Variants in LLGL1 observed in about 807,000 individuals in gnomAD.
LLGL1 encodes the protein lethal(2) giant larvae protein homolog 1.
A neutral mutation model predicts 110.6 loss-of-function variants in LLGL1; 58 were observed. That is an observed-to-expected ratio of 0.52 (90% CI 0.42 to 0.65). LLGL1 has a LOEUF of 0.65. LLGL1 is among the 30% of genes least tolerant of loss of function. The pLI is 0.00. For synonymous variants in LLGL1, 674 were observed against 607.2 expected, an observed-to-expected ratio of 1.11 and a Z score of -1.62; for missense variants, 1,229 against 1,462.1, an observed-to-expected ratio of 0.84 and a Z score of 2.60.
rs1385714475 is a variant in LLGL1 at position 18,240,607 on chromosome 17, G to A, written c.2236G>A (p.Gly746Ser). 2.2e-5 allele frequency: 36 copies of A among 1,604,758 alleles called. No homozygotes were observed. The highest frequency in any genetic ancestry group is 3.1e-5 in the Non-Finnish European group (36 of 1,173,754). Residue 746 changes from glycine to serine, a missense_variant, in exon 17 of 23, where the codon GGC becomes AGC. Gly to Ser is a moderately conservative substitution (Grantham distance 56). Transcript: ENST00000316843. The surrounding 1 kb of genome is among the most constrained non-coding windows in gnomAD (Gnocchi z 5.3). ...CCACCACGGGCCCACCATGTGGGCTGGCACCAACTCAGGCTCTGTGTTCGC... is the reference window on the plus strand; with the variant it reads ...CCACCACGGGCCCACCATGTGGGCTAGCACCAACTCAGGCTCTGTGTTCGC... Reference protein sequence around the residue: ...GAHHGPTMWAGTNSGSVFAYA... With the variant: ...GAHHGPTMWASTNSGSVFAYA...
In LLGL1 at chr17:18,234,069, G is replaced by A; in HGVS notation, c.608G>A (p.Gly203Glu). ...KALGPVESLQGHLRDPTKILI... is the reference protein window; with the variant it reads ...KALGPVESLQEHLRDPTKILI... ...CTGGGCCCCGTGGAGTCACTCCAGG[G>A]ACACCTGCGGGACCCCACAAAGATT... The change falls in exon 6 of 23, where the codon GGA becomes GAA. Residue 203 changes from glycine to glutamate, a missense_variant. Transcript: ENST00000316843. 1.2e-6 allele frequency: 2 copies of A among 1,610,524 alleles called. No homozygotes were observed. Among genetic ancestry groups the A allele is most frequent in the African/African-American group, 1.3e-5 (1 of 75,036 alleles).
chr17:18,236,443 G>C, intron 11 of LLGL1, 164 bp from the exon 12 acceptor site: 1 of 658,692 alleles, frequency 1.5e-6, no homozygotes, highest in South Asian at 1.9e-5. Flanking sequence ...CAGTGTACCT[G>C]TGCTGTCTAC....
At chr17:18,229,888 A>G (rs2047530538) in intron 1 of LLGL1, 53 bp from the exon 2 acceptor site, 1 of 1,345,776 alleles carries the variant, frequency 7.4e-7, no homozygotes, top group Non-Finnish European at 1.0e-6. Context: ...AGGGTGGGCC[A>G]TGGCAGAGGT....
intron 4 of LLGL1, among the ~76,000 whole-genome samples, chr17:18,233,097 A>G (rs1244120282): frequency 6.6e-6 from 1 of 152,246 alleles, no homozygotes; most frequent in African/African-American, 2.4e-5. Flanking sequence ...GAGGCCTGGC[A>G]CTACACTTAC....
In LLGL1 at chr17:18,241,977, C is replaced by T. The variant is rs753088713; in HGVS notation, c.2860C>T (p.Pro954Ser). The T allele has an allele frequency of 2.4e-5, 39 of 1,613,854 alleles. No individual in the cohort carries two copies. Among genetic ancestry groups the T allele is most frequent in the Middle Eastern group, 1.6e-4 (1 of 6,084 alleles). The change falls in exon 19 of 23, where the codon CCC becomes TCC. Residue 954 changes from proline (P) to serine (S), a missense_variant. Physicochemically the swap from Pro to Ser is moderately conservative, Grantham distance 74. Transcript: ENST00000316843. ...EPLCSLDINWPRDATQASYRI... is the reference protein window; with the variant it reads ...EPLCSLDINWSRDATQASYRI... ...GCTCTGCTCTCTGGACATTAACTGG[C>T]CCCGCGATGCCACCCAGGCCAGGTG...
intron 14 of LLGL1, 39 bp from the exon 15 acceptor site, chr17:18,238,028 G>A: frequency 1.2e-6 from 2 of 1,606,804 alleles, no homozygotes; most frequent in Non-Finnish European, 1.7e-6. Context: ...TGCCCCAGGA[G>A]GCTGCTCTAT....
chr17:18,235,111 G>A lies in LLGL1; in HGVS notation c.1083G>A (p.Leu361=), dbSNP rs1469457877. The A allele has an allele frequency of 3.1e-6, 5 of 1,613,798 alleles. No individual in the cohort carries two copies. The highest frequency in any genetic ancestry group is 4.2e-6 in the Non-Finnish European group (5 of 1,180,042). The change falls in exon 10 of 23, where the codon CTG becomes CTA. Residue 361 remains leucine (L), a synonymous_variant. Transcript: ENST00000316843. ...PEDEFDDPQA[L]AVLLEEELVV... ...CAGAATTTGATGACCCCCAGGCCCT[G>A]GCTGTGCTGCTGGAAGAGGAGCTGG...
At position 18,243,946 on chromosome 17, in the gene LLGL1, G is replaced by A. The variant is rs2047918769; in HGVS notation, c.*40G>A. On this transcript the variant is annotated 3_prime_UTR_variant, in exon 23 of 23. Transcript: ENST00000316843. ...ATCCCGACCTCCACCTGCCCTGCTC[G>A]GAGCTGGAGTGCTGGATCCCTGGCA... The A allele has an allele frequency of 6.6e-6, 1 of 152,628 alleles. No individual in the cohort carries two copies. Among genetic ancestry groups the A allele is most frequent in the South Asian group, 2.1e-4 (1 of 4,836 alleles). The allele number at this position is 152,628 out of a possible 1,614,324, so 9.5% of individuals were successfully genotyped here. A position where few individuals can be genotyped will look rare whatever the true frequency, so the allele number is the denominator to read the frequency against.
intron 2 of LLGL1, 54 bp downstream of exon 2, chr17:18,230,092 T>C (rs2047534827): frequency 5.1e-6 from 7 of 1,367,104 alleles, no homozygotes; most frequent in Non-Finnish European, 7.2e-6. Flanking sequence ...CTGCCTGTAG[T>C]TCCCTGTGCT....
Position 18,242,153 on chromosome 17 carries a change from C to T in LLGL1, c.2883-13C>T, listed in dbSNP as rs2047851813. 1.2e-6 allele frequency: 2 copies of T among 1,605,616 alleles called. No individual in the cohort carries two copies. The highest frequency in any genetic ancestry group is 1.1e-5 in the South Asian group (1 of 90,928). Reference sequence around the variant, plus strand: ...ATCCACCTATGGTCCCCATCATGGCCCCATCTCTGCAGTTACAGGATCCGA... The same window carrying T: ...ATCCACCTATGGTCCCCATCATGGCTCCATCTCTGCAGTTACAGGATCCGA... On this transcript the variant is annotated splice_polypyrimidine_tract_variant and intron_variant, in intron 19 of 22. Transcript: ENST00000316843.
rs1391701718 is a variant in LLGL1, at chr17:18,238,572, G to C, written c.2169G>C (p.Val723=). 1 of 1,612,874 alleles carries C rather than the reference G, an allele frequency of 6.2e-7. No homozygotes were observed. Among genetic ancestry groups the C allele is most frequent in the Non-Finnish European group, 8.5e-7 (1 of 1,180,016 alleles). Residue 723 remains valine, a synonymous_variant, in exon 16 of 23, where the codon GTG becomes GTC. Coordinates refer to ENST00000316843, the MANE Select transcript of LLGL1 (RefSeq NM_004140.4). ...CCGATGACTCCTTGTCGGGTGTCGT[G>C]CGTTGCCTATACTTTGCCGACACAT... is the stretch of plus-strand genomic sequence containing the variant. ...RSADDSLSGV[V]RCLYFADTFL...
At position 18,238,116 on chromosome 17, in the gene LLGL1, C is replaced by T. The variant is rs766623464; in HGVS notation, c.1954C>T (p.Arg652Trp). 7.4e-6 allele frequency: 12 copies of T among 1,613,800 alleles called. No homozygotes were observed. The East Asian group carries it at 8.9e-5, about 12-fold the overall frequency. Reference protein sequence around the residue: ...DSLAMEGPLSRVKSLKKSLRQ... With the variant: ...DSLAMEGPLSWVKSLKKSLRQ... ...CCTGGCCATGGAGGGTCCGCTCTCC[C>T]GGGTGAAGTCTCTCAAGAAGTCACT... Residue 652 changes from arginine to tryptophan, a missense_variant, in exon 15 of 23, where the codon CGG becomes TGG. Arg to Trp is a moderately radical substitution (Grantham distance 101). Coordinates refer to ENST00000316843, the MANE Select transcript of LLGL1 (RefSeq NM_004140.4).
chr17:18,235,372 A>G (rs920803716), intron 10 of LLGL1, 60 bp downstream of exon 10: 11 of 1,604,682 alleles, frequency 6.9e-6, no homozygotes, highest in Middle Eastern at 1.7e-4. Context: ...GGAGAGTTTC[A>G]GTTCTAAGCC....
intron 14 of LLGL1, 116 bp from the exon 15 acceptor site, chr17:18,237,951 G>T: frequency 7.4e-7 from 1 of 1,358,740 alleles, no homozygotes. Context: ...GGGTCCATAG[G>T]ACTGCGCCAG....
chr17:18,230,372 A>G (rs1036195818), intron 2 of LLGL1, among the ~76,000 whole-genome samples: 4 of 152,176 alleles, frequency 2.6e-5, no homozygotes, highest in African/African-American at 7.2e-5. Context: ...AGGCTGGGCT[A>G]TGATACCCAT....
chr17:18,235,882 C>T (rs1230262789), intron 11 of LLGL1: 3 of 296,174 alleles, frequency 1.0e-5, no homozygotes, highest in African/African-American at 2.2e-5. Context: ...CTGACGTGCC[C>T]AGTGACTCAG....
chr17:18,234,270 C>A lies in LLGL1; in HGVS notation c.715-3C>A. ...CTGCCTGCCTGCCCCTGCCTGCCCG[C>A]AGCAGCTGGAGAGCCTATGCTGGGG... is the stretch of plus-strand genomic sequence containing the variant. On this transcript the variant is annotated splice_polypyrimidine_tract_variant and splice_region_variant and intron_variant, in intron 6 of 22. Coordinates refer to ENST00000316843, the MANE Select transcript of LLGL1 (RefSeq NM_004140.4). 1 of 1,599,766 alleles carries A rather than the reference C, an allele frequency of 6.3e-7. No homozygotes were observed. The highest frequency in any genetic ancestry group is 1.3e-5 in the African/African-American group (1 of 74,764).
rs759275617 is a variant in LLGL1 at position 18,232,544 on chromosome 17, A to G, written c.229A>G (p.Thr77Ala). 11 of 1,614,016 alleles carry G rather than the reference A, an allele frequency of 6.8e-6. No individual in the cohort carries two copies. Among genetic ancestry groups the G allele is most frequent in the East Asian group, 4.5e-5 (2 of 44,898 alleles). ...EFTGLHRDAA[T>A]VTQMHFLTGQ... ...CACAGGCCTGCACCGGGATGCAGCC[A>G]CTGTCACACAGATGCACTTCTTGAC... is the stretch of plus-strand genomic sequence containing the variant. The change falls in exon 3 of 23, where the codon ACT becomes GCT. Residue 77 changes from threonine to alanine, a missense_variant. Coordinates refer to ENST00000316843, the MANE Select transcript of LLGL1 (RefSeq NM_004140.4).
At position 18,242,751 on chromosome 17, in the gene LLGL1, A is replaced by C. The variant is rs776480787; in HGVS notation, c.3125A>C (p.Glu1042Ala). Residue 1042 changes from glutamate (E) to alanine (A), a missense_variant, in exon 22 of 23, where the codon GAG (glutamate) becomes GCG (alanine). Coordinates refer to ENST00000316843, the MANE Select transcript of LLGL1 (RefSeq NM_004140.4). The stretch of plus-strand genomic sequence containing the variant: ...CCATCCCCATCTCGCAGCTCCTCTG[A>C]GGAGTCAGAGAAGAACCTGAGGAAC... Reference protein sequence around the residue: ...EDVKDFLGSSEESEKNLRNLA... With the variant: ...EDVKDFLGSSAESEKNLRNLA... 61 of 1,568,714 alleles carry C rather than the reference A, an allele frequency of 3.9e-5. No homozygotes were observed. The highest frequency in any genetic ancestry group is 6.1e-6 in the Non-Finnish European group (7 of 1,156,166).
Sources: allele counts gnomAD v4.1 joint callset (sites outside exome capture counted in the v4.1 genomes callset), GRCh38; gene constraint gnomAD v4.1.1; non-coding constraint Gnocchi (gnomAD v3.1); transcripts MANE v1.5; gene names NCBI Gene and HGNC (gene_info 2026-07-23, HGNC 2026-07-21).